Variants in ADAM2 observed in about 807,000 individuals in gnomAD.
The protein encoded by ADAM2 is disintegrin and metalloproteinase domain-containing protein 2.
ADAM2 carries 101 observed loss-of-function variants against 99.3 expected under a neutral mutation model. The ratio of observed to expected loss-of-function variants is 1.02; its 90% CI spans 0.87 to 1.20. The LOEUF (loss-of-function observed/expected upper bound fraction) is 1.20, where lower values mean the gene tolerates loss of function less well. Among genes scored for constraint, ADAM2 ranks in the 50% most tolerant of loss-of-function variants. ADAM2 has a pLI of 0.00. For missense variants in ADAM2, 948 were observed against 878.7 expected (o/e 1.08, Z -1.00); for synonymous variants, 323 against 287.6 (o/e 1.12, Z -1.25).
At chr8:39,813,636 T>A (rs1228735447) in intron 6 of ADAM2, among the ~76,000 whole-genome samples, 2 of 152,154 alleles carry the variant, frequency 1.3e-5, no homozygotes, top group African/African-American at 4.8e-5. Flanking sequence ...TGGATGAAGC[T>A]GGAAACCATC....
chr8:39,787,891 G>T (rs1390087634), intron 9 of ADAM2, among the ~76,000 whole-genome samples, 194 bp downstream of exon 9: 1 of 151,578 alleles, frequency 6.6e-6, no homozygotes, highest in African/African-American at 2.4e-5. Flanking sequence ...TGGGGAGTGA[G>T]TTTTAACTTC....
At chr8:39,778,465 CATCTA>C (rs1448440655) in intron 10 of ADAM2, among the ~76,000 whole-genome samples, 1 of 152,106 alleles carries the variant, frequency 6.6e-6, no homozygotes, top group Non-Finnish European at 1.5e-5. Flanking sequence ...CTTGATGGGA[CATCTA>C]CCTTCTGTCT....
chr8:39,744,827 C>G lies in ADAM2; in HGVS notation c.*30+3G>C. 1.3e-6 allele frequency: 2 copies of G among 1,566,214 alleles called. No homozygotes were observed. The highest frequency in any genetic ancestry group is 1.7e-6 in the Non-Finnish European group (2 of 1,154,728). ...AAATTTTAAAAAAATGAAAGAAACT[C>G]ACAGTGATATCATGGCATCTCTGTT... On this transcript the variant is annotated splice_donor_region_variant and intron_variant, in intron 20 of 20. Coordinates refer to ENST00000265708, the MANE Select transcript of ADAM2 (RefSeq NM_001464.5).
rs554313085 is a variant in ADAM2 at position 39,768,352 on chromosome 8, C to T, written c.1212+1040G>A. On this transcript the variant is annotated intron_variant, in intron 12 of 20. Transcript: ENST00000265708. ...GGCTACATGAGTGACCATTGTAGGG[C>T]ACAATGAAGTCTACTTAGTCTTTGT... Among the ~76,000 whole-genome samples the T allele has an allele frequency of 2.0e-5, 3 of 152,216 alleles. No homozygotes were observed. In the South Asian group the frequency reaches 6.2e-4, roughly 32 times the overall value.
chr8:39,825,063 C>T (rs1422623411), intron 3 of ADAM2, among the ~76,000 whole-genome samples, 166 bp from the exon 4 acceptor site: 1 of 152,144 alleles, frequency 6.6e-6, no homozygotes, highest in African/African-American at 2.4e-5. Flanking sequence ...AAACATCTTA[C>T]ACTTCACTCA....
chr8:39,787,409 T>C (rs1025644870), intron 9 of ADAM2, among the ~76,000 whole-genome samples: 3 of 151,496 alleles, frequency 2.0e-5, no homozygotes, highest in Non-Finnish European at 4.4e-5. Flanking sequence ...AATCACTCTA[T>C]GGACTAAAGT....
chr8:39,777,698 C>T (rs1236628979), intron 10 of ADAM2, among the ~76,000 whole-genome samples: 1 of 151,790 alleles, frequency 6.6e-6, no homozygotes, highest in East Asian at 1.9e-4. Context: ...GTTCCTAATG[C>T]AAAGAAATGA....
intron 14 of ADAM2, among the ~76,000 whole-genome samples, chr8:39,763,895 A>C (rs549483081): frequency 3.3e-5 from 5 of 152,224 alleles, no homozygotes; most frequent in African/African-American, 1.2e-4. Flanking sequence ...AGCTCACTGG[A>C]AATTTTAAAG....
In ADAM2 at chr8:39,767,202, A is replaced by T. The variant is rs569014610; in HGVS notation, c.1262T>A (p.Phe421Tyr). The T allele has an allele frequency of 6.2e-7, 1 of 1,608,168 alleles. No homozygotes were observed. The highest frequency in any genetic ancestry group is 1.3e-5 in the African/African-American group (1 of 74,300). The change falls in exon 13 of 21, where the codon TTT becomes TAT. Residue 421 changes from phenylalanine to tyrosine, a missense_variant. By Grantham distance (22) the Phe-to-Tyr change is conservative (BLOSUM62 3). Transcript: ENST00000265708. ...TTCAGCACAGTTTGAACCGGCTTTA[A>T]ATCTACATGTGGCAATATCACAGCA... ...ETCCDIATCR[F>Y]KAGSNCAEGP...
chr8:39,799,792 C>T (rs965308053), intron 7 of ADAM2, among the ~76,000 whole-genome samples: 6 of 152,246 alleles, frequency 3.9e-5, no homozygotes, highest in African/African-American at 1.4e-4. Context: ...TATGTAGTGT[C>T]CTTCTTTGTC....
At position 39,787,944 on chromosome 8, in the gene ADAM2, C is replaced by T. The variant is rs529492059; in HGVS notation, c.809+141G>A. ...GATATCAGTAATTCCAATATAAATACCATGTTGTGAAAAATATTTACATGG... is the reference window on the plus strand; with the variant it reads ...GATATCAGTAATTCCAATATAAATATCATGTTGTGAAAAATATTTACATGG... On this transcript the variant is annotated intron_variant, in intron 9 of 20. Transcript: ENST00000265708. The T allele has an allele frequency of 2.7e-5, 14 of 512,508 alleles. No individual in the cohort carries two copies. In the Admixed American group the frequency reaches 3.7e-4, roughly 14 times the overall value. 31.7% of individuals were successfully genotyped at this position (512,508 alleles called of 1,614,324 possible).
At chr8:39,745,711 A>G (rs1445940627) in intron 19 of ADAM2, among the ~76,000 whole-genome samples, 2 of 151,752 alleles carry the variant, frequency 1.3e-5, no homozygotes, top group Non-Finnish European at 2.9e-5. Context: ...ATTACTACCA[A>G]AAAAAAGCTA....
At chr8:39,760,116 C>T (rs1802292368) in intron 15 of ADAM2, among the ~76,000 whole-genome samples, 1 of 152,140 alleles carries the variant, frequency 6.6e-6, no homozygotes, top group South Asian at 2.1e-4. Flanking sequence ...ATCTGCCCGC[C>T]TCAGCCTCCC....
intron 7 of ADAM2, among the ~76,000 whole-genome samples, chr8:39,799,184 A>G (rs1563365664): frequency 2.0e-5 from 3 of 152,144 alleles, no homozygotes; most frequent in African/African-American, 4.8e-5. Flanking sequence ...TCGTGCTATA[A>G]ATTTCCCTTT....
chr8:39,809,475 A>C lies in ADAM2; in HGVS notation c.514-9T>G. ...GCAAAATCTTGCTGTGGCTGAAAAA[A>C]TCCACAAATTTTACATCAAAATTAC... On this transcript the variant is annotated splice_polypyrimidine_tract_variant and intron_variant, in intron 6 of 20. Transcript: ENST00000265708. The C allele has an allele frequency of 2.2e-6, 3 of 1,370,018 alleles. No individual in the cohort carries two copies. The highest frequency in any genetic ancestry group is 3.1e-6 in the Non-Finnish European group (3 of 972,884). The allele number at this position is 1,370,018 out of a possible 1,614,324, so 84.9% of individuals were successfully genotyped here. A position where few individuals can be genotyped will look rare whatever the true frequency, so the allele number is the denominator to read the frequency against.
intron 3 of ADAM2, among the ~76,000 whole-genome samples, chr8:39,828,601 T>C (rs1805501905): frequency 6.6e-6 from 1 of 151,742 alleles, no homozygotes; most frequent in Non-Finnish European, 1.5e-5. Context: ...TAAGCACACC[T>C]TAAAACTAAA....
At chr8:39,771,023 C>A (rs1195562995) in intron 11 of ADAM2, among the ~76,000 whole-genome samples, 2 of 152,172 alleles carry the variant, frequency 1.3e-5, no homozygotes. Context: ...CATATTACTT[C>A]CATGTTTAAA....
At chr8:39,783,163 A>C (rs1192114913) in intron 10 of ADAM2, among the ~76,000 whole-genome samples, 8 of 152,258 alleles carry the variant, frequency 5.3e-5, no homozygotes, top group Non-Finnish European at 2.9e-5. Flanking sequence ...GTTCTCATTT[A>C]AATCCACAAT....
At chr8:39,810,905 C>T (rs1277904778) in intron 6 of ADAM2, among the ~76,000 whole-genome samples, 1 of 151,792 alleles carries the variant, frequency 6.6e-6, no homozygotes, top group East Asian at 1.9e-4. Flanking sequence ...ACATTCAAAA[C>T]CTAGCAGAAG....
Sources: allele counts gnomAD v4.1 joint callset (sites outside exome capture counted in the v4.1 genomes callset), GRCh38; gene constraint gnomAD v4.1.1; transcripts MANE v1.5; gene names NCBI Gene and HGNC (gene_info 2026-07-23, HGNC 2026-07-21).